Variants in SVIL observed in about 807,000 individuals in gnomAD.
SVIL encodes archvillin.
SVIL carries 101 observed loss-of-function variants against 240.4 expected under a neutral mutation model. The ratio of observed to expected loss-of-function variants is 0.42; its 90% CI spans 0.36 to 0.50. The LOEUF (loss-of-function observed/expected upper bound fraction) is 0.50, where lower values mean the gene tolerates loss of function less well. Among genes scored for constraint, SVIL ranks in the 20% least tolerant of loss-of-function variants. The pLI, the probability that SVIL is intolerant of heterozygous loss-of-function variation, is 0.01. For synonymous variants in SVIL, 999 were observed against 1,100.0 expected (o/e 0.91, Z 1.82); for missense variants, 2,512 against 2,818.7 (o/e 0.89, Z 2.46).
At position 29,523,674 on chromosome 10, in the gene SVIL, G is replaced by C; in HGVS notation, c.2940C>G (p.Asn980Lys). 6.2e-7 allele frequency: 1 copy of C among 1,614,118 alleles called. No individual in the cohort carries two copies. The highest frequency in any genetic ancestry group is 8.5e-7 in the Non-Finnish European group (1 of 1,180,004). ...EEAEASYPIL[N>K]RAREGDSHKE... ...TATGGCTGTCTCCTTCCCTGGCTCG[G>C]TTCAGGATGGGGTAGGATGCTTCTG... is the stretch of plus-strand genomic sequence containing the variant. The change falls in exon 15 of 38, where the codon AAC becomes AAG. Residue 980 changes from asparagine (N) to lysine (K), a missense_variant. By Grantham distance (94) the Asn-to-Lys change is moderately conservative (BLOSUM62 0). This residue lies in a region of SVIL where 1,443 missense variants were observed against 1,486.6 expected (regional missense o/e 0.97). Coordinates refer to ENST00000355867, the MANE Select transcript of SVIL (RefSeq NM_021738.3).
At chr10:29,519,413 A>G (rs1950425155) in intron 16 of SVIL, among the ~76,000 whole-genome samples, 2 of 152,314 alleles carry the variant, frequency 1.3e-5, no homozygotes, top group Admixed American at 6.5e-5. Context: ...CGGTTAGAAT[A>G]AAGTTTGGAA....
intron 1 of SVIL, chr10:29,686,761 C>T (rs965801399): frequency 7.9e-5 from 12 of 152,098 alleles, no homozygotes; most frequent in South Asian, 2.1e-4. Flanking sequence ...CTGGAAATAC[C>T]GCACTGCTTC....
At chr10:29,490,586 A>T (rs1197065960) in intron 22 of SVIL, among the ~76,000 whole-genome samples, 2 of 35,158 alleles carry the variant, frequency 5.7e-5, no homozygotes, top group Admixed American at 7.4e-4. Context: ...CCCAGTCTTT[A>T]AAAAAAAAAA....
At chr10:29,655,827 TGAA>T (rs1298147985) in intron 3 of SVIL, among the ~76,000 whole-genome samples, 4 of 152,026 alleles carry the variant, frequency 2.6e-5, no homozygotes, top group Non-Finnish European at 5.9e-5. Flanking sequence ...TTTTTCAGGT[TGAA>T]GAAGTTCCCT....
chr10:29,471,249 G>T lies in SVIL; in HGVS notation c.5530-6C>A. The stretch of plus-strand genomic sequence containing the variant: ...TTTCCCTGGAGAACCTGGACCTTCC[G>T]ATTTAAACAGAGGTAAATAGGTAAG... On this transcript the variant is annotated splice_region_variant and splice_polypyrimidine_tract_variant and intron_variant, in intron 30 of 37. Coordinates refer to ENST00000355867, the MANE Select transcript of SVIL (RefSeq NM_021738.3). 6.2e-7 allele frequency: 1 copy of T among 1,604,866 alleles called. No individual in the cohort carries two copies. The highest frequency in any genetic ancestry group is 8.5e-7 in the Non-Finnish European group (1 of 1,173,244).
chr10:29,488,553 AC>A, intron 23 of SVIL, 47 bp downstream of exon 23: 1 of 1,506,646 alleles, frequency 6.6e-7, no homozygotes, highest in Non-Finnish European at 8.8e-7. Flanking sequence ...ATGGGACCAG[AC>A]AGAAACCACG....
rs1185915698 is a variant in SVIL at position 29,687,915 on chromosome 10, ACT to A, written c.-399-1266_-399-1265del. On this transcript the variant is annotated intron_variant, in intron 1 of 35. Coordinates refer to the SVIL transcript ENST00000375400. ...GTCACTAATTTGGTTATCACAAGTTACTCCCAGTTTCAGCAATGGATAGTTCC... is the reference window on the plus strand; with the variant it reads ...GTCACTAATTTGGTTATCACAAGTTACCCAGTTTCAGCAATGGATAGTTCC... 2.0e-5 allele frequency among the ~76,000 whole-genome samples: 3 copies of A among 151,982 alleles called. No individual in the cohort carries two copies. In the East Asian group the frequency reaches 5.8e-4, roughly 29 times the overall value.
chr10:29,602,812 C>G (rs1207588776), intron 1 of SVIL, among the ~76,000 whole-genome samples: 1 of 152,090 alleles, frequency 6.6e-6, no homozygotes, highest in Non-Finnish European at 1.5e-5. Flanking sequence ...ATGGTGAAAC[C>G]CTGTCTCTAC....
intron 1 of SVIL, among the ~76,000 whole-genome samples, chr10:29,710,464 T>G (rs1963200231): frequency 6.6e-6 from 1 of 152,234 alleles, no homozygotes; most frequent in Non-Finnish European, 1.5e-5. Flanking sequence ...GTGATTTTTG[T>G]GTGAAGAGAA....
At chr10:29,688,959 C>T (rs1961293180) in intron 1 of SVIL, among the ~76,000 whole-genome samples, 1 of 152,106 alleles carries the variant, frequency 6.6e-6, no homozygotes, top group African/African-American at 2.4e-5. Flanking sequence ...CTGTTTACAA[C>T]TTTACCCAGA....
intron 33 of SVIL, among the ~76,000 whole-genome samples, chr10:29,466,710 A>G (rs1944968004): frequency 6.6e-6 from 1 of 152,296 alleles, no homozygotes. Flanking sequence ...ATAACTTGGG[A>G]AATTATTCAT....
At chr10:29,676,814 G>A (rs769058998) in intron 2 of SVIL, among the ~76,000 whole-genome samples, 67 of 152,158 alleles carry the variant, frequency 4.4e-4, no homozygotes, top group African/African-American at 1.4e-3. Context: ...CCATTTGGCC[G>A]TTTGGAGTCG....
intron 3 of SVIL, among the ~76,000 whole-genome samples, chr10:29,657,438 G>A (rs1174215623): frequency 1.3e-5 from 2 of 152,150 alleles, no homozygotes; most frequent in African/African-American, 4.8e-5. Flanking sequence ...ACGCACTTAG[G>A]CATAGACCCA....
chr10:29,554,143 T>C (rs1024690621), intron 5 of SVIL, among the ~76,000 whole-genome samples: 20 of 152,154 alleles, frequency 1.3e-4, no homozygotes, highest in African/African-American at 4.8e-4. Flanking sequence ...GTTGTTGCTG[T>C]TTTTAGCAAA....
At chr10:29,628,847 G>T (rs1014140063) in intron 1 of SVIL, among the ~76,000 whole-genome samples, 1 of 152,182 alleles carries the variant, frequency 6.6e-6, no homozygotes, top group African/African-American at 2.4e-5. Flanking sequence ...AGCAAGCAAA[G>T]AGACAGAAAA....
At chr10:29,458,617 G>C in intron 36 of SVIL, 28 bp from the exon 37 acceptor site, 1 of 1,605,840 alleles carries the variant, frequency 6.2e-7, no homozygotes. Flanking sequence ...GCAGAGAGGA[G>C]AGCTCGTGTC....
intron 1 of SVIL, among the ~76,000 whole-genome samples, chr10:29,687,508 A>G (rs1355478646): frequency 1.3e-5 from 2 of 152,332 alleles, no homozygotes; most frequent in East Asian, 1.9e-4. Flanking sequence ...CCTTGCCAAC[A>G]TGGCAAAACC....
intron 1 of SVIL, among the ~76,000 whole-genome samples, chr10:29,690,775 A>G (rs1199177430): frequency 6.6e-6 from 1 of 152,208 alleles, no homozygotes; most frequent in Non-Finnish European, 1.5e-5. Flanking sequence ...ACAACCCATG[A>G]GAACACCTGC....
At chr10:29,562,769 GAAAAAAAAAAAAAAA>G (rs34507610) in intron 3 of SVIL, among the ~76,000 whole-genome samples, 3 of 115,752 alleles carry the variant, frequency 2.6e-5, no homozygotes, top group Middle Eastern at 0.012. Flanking sequence ...TCAAAAAAAA[GAAAAAAAAAAAAAAA>G]AAAAAAAAAA....
Sources: allele counts gnomAD v4.1 joint callset (sites outside exome capture counted in the v4.1 genomes callset), GRCh38; gene constraint gnomAD v4.1.1; regional missense constraint gnomAD v4.1.1; transcripts MANE v1.5; gene names NCBI Gene and HGNC (gene_info 2026-07-23, HGNC 2026-07-21).